FAM117B: variants seen among roughly 807,000 people sequenced by gnomAD.
FAM117B encodes protein FAM117B.
In FAM117B, 22 loss-of-function variants were observed where a neutral mutation model predicts 52.8. The ratio of observed to expected loss-of-function variants is 0.42; its 90% CI spans 0.30 to 0.59. The LOEUF (loss-of-function observed/expected upper bound fraction) is 0.59, where lower values mean the gene tolerates loss of function less well. Ranked by LOEUF, FAM117B falls within the 20% of genes least tolerant of loss-of-function variation. The pLI is 0.22. For missense variants in FAM117B, 678 were observed against 802.6 expected, an observed-to-expected ratio of 0.84 and a Z score of 1.88; for synonymous variants, 309 against 324.1, an observed-to-expected ratio of 0.95 and a Z score of 0.50.
rs780615722 is a variant in FAM117B at position 202,642,117 on chromosome 2, C to CT, written c.601+6346dup. ...CCACCATGCCCGGCTGATTTTTGTACTTTTTTTTTTTTTTTTTAGTAGAGA... is the reference window on the plus strand; with the variant it reads ...CCACCATGCCCGGCTGATTTTTGTACTTTTTTTTTTTTTTTTTTAGTAGAGA... On this transcript the variant is annotated intron_variant, in intron 1 of 7. Coordinates refer to ENST00000392238, the MANE Select transcript of FAM117B (RefSeq NM_173511.4). Among the ~76,000 whole-genome samples the CT allele has an allele frequency of 5.3e-3, 684 of 128,824 alleles. 6 individuals carry two copies. The highest frequency in any genetic ancestry group is 0.041 in the East Asian group (188 of 4,534). The allele number at this position is 128,824 out of a possible 152,430, so 84.5% of individuals were successfully genotyped here.
intron 1 of FAM117B, among the ~76,000 whole-genome samples, chr2:202,668,588 C>G (rs903485752): frequency 2.0e-5 from 3 of 147,002 alleles, no homozygotes; most frequent in African/African-American, 7.4e-5. Flanking sequence ...TCACTGTACT[C>G]TAGCCTGGGC....
chr2:202,691,092 C>T (rs1404477855), intron 1 of FAM117B, among the ~76,000 whole-genome samples: 1 of 152,102 alleles, frequency 6.6e-6, no homozygotes, highest in African/African-American at 2.4e-5. Flanking sequence ...ACATGTATAA[C>T]TCATCTGTTC....
At chr2:202,669,288 GA>G (rs990843785) in intron 1 of FAM117B, among the ~76,000 whole-genome samples, 1 of 152,106 alleles carries the variant, frequency 6.6e-6, no homozygotes, top group African/African-American at 2.4e-5. Flanking sequence ...ATTCTAGGAA[GA>G]AAAAACTTAA....
chr2:202,644,489 A>G (rs891564918), intron 1 of FAM117B, among the ~76,000 whole-genome samples: 2 of 152,138 alleles, frequency 1.3e-5, no homozygotes, highest in Non-Finnish European at 2.9e-5. Context: ...TAGCTCATTG[A>G]TCTCTACATC....
intron 2 of FAM117B, among the ~76,000 whole-genome samples, chr2:202,716,737 G>A (rs1691063378): frequency 6.6e-6 from 1 of 151,972 alleles, no homozygotes; most frequent in Non-Finnish European, 1.5e-5. Context: ...CTGAGTCTGT[G>A]TTTTCAAATA....
chr2:202,720,367 G>T (rs927837037), intron 2 of FAM117B, among the ~76,000 whole-genome samples: 1 of 151,574 alleles, frequency 6.6e-6, no homozygotes, highest in African/African-American at 2.4e-5. Flanking sequence ...TGATTCAAGA[G>T]TTTTAAACAT....
chr2:202,757,299 T>G lies in FAM117B; in HGVS notation c.1191T>G (p.Pro397=), dbSNP rs1267307964. ...SSTRSIDTQT[P]GGADRGSNNS... ...CGCGCAGCATTGACACACAGACGCCTGGTGGGGCAGACAGGGGAAGCAACA... is the reference window on the plus strand; with the variant it reads ...CGCGCAGCATTGACACACAGACGCCGGGTGGGGCAGACAGGGGAAGCAACA... The change falls in exon 6 of 8, where the codon CCT becomes CCG. Residue 397 remains proline, a synonymous_variant. Transcript: ENST00000392238. The G allele has an allele frequency of 4.3e-6, 7 of 1,614,070 alleles. No individual in the cohort carries two copies. The highest frequency in any genetic ancestry group is 5.9e-6 in the Non-Finnish European group (7 of 1,180,022).
chr2:202,723,581 G>C (rs1337994970), intron 2 of FAM117B, among the ~76,000 whole-genome samples: 40 of 152,098 alleles, frequency 2.6e-4, no homozygotes, highest in Non-Finnish European at 1.2e-4. Context: ...TTTCATGTCT[G>C]TATATTGTGA....
At chr2:202,728,146 A>ATATTTTT (rs1691284676) in intron 4 of FAM117B, among the ~76,000 whole-genome samples, 1 of 151,980 alleles carries the variant, frequency 6.6e-6, no homozygotes, top group Non-Finnish European at 1.5e-5. Flanking sequence ...TGCCTGGCTA[A>ATATTTTT]TATTTTTTAT....
At chr2:202,647,991 A>G (rs923710873) in intron 1 of FAM117B, among the ~76,000 whole-genome samples, 1 of 152,042 alleles carries the variant, frequency 6.6e-6, no homozygotes, top group Non-Finnish European at 1.5e-5. Context: ...TAACTCTGTA[A>G]TTGTATGGTT....
chr2:202,649,290 CCT>C (rs769474254), intron 1 of FAM117B, among the ~76,000 whole-genome samples: 2 of 152,034 alleles, frequency 1.3e-5, no homozygotes. Flanking sequence ...TGTCTCCTTC[CCT>C]CTCTCTTTTC....
intron 2 of FAM117B, among the ~76,000 whole-genome samples, chr2:202,720,239 T>C (rs545858933): frequency 6.6e-6 from 1 of 152,254 alleles, no homozygotes; most frequent in South Asian, 2.1e-4. Flanking sequence ...GAGGTATTTC[T>C]TTATGGAATT....
rs371924033 is a variant in FAM117B, at chr2:202,747,160, A to G, written c.961-8378A>G. On this transcript the variant is annotated intron_variant, in intron 4 of 7. Coordinates refer to ENST00000392238, the MANE Select transcript of FAM117B (RefSeq NM_173511.4). The stretch of plus-strand genomic sequence containing the variant: ...AATAAATGTGATATATCACATCAAC[A>G]GAATGTAGGACAAAAACCAACAATC... Among the ~76,000 whole-genome samples the G allele has an allele frequency of 2.6e-4, 39 of 152,328 alleles. 1 individual carries two copies. The South Asian group carries it at 8.1e-3, about 32-fold the overall frequency.
intron 4 of FAM117B, among the ~76,000 whole-genome samples, chr2:202,752,903 TTAAA>T: frequency 6.6e-6 from 1 of 152,304 alleles, no homozygotes; most frequent in African/African-American, 2.4e-5. Context: ...AGTGGTTCTG[TTAAA>T]TAAATAAGTC....
chr2:202,751,145 A>G (rs575457017), intron 4 of FAM117B, among the ~76,000 whole-genome samples: 23 of 152,324 alleles, frequency 1.5e-4, no homozygotes, highest in African/African-American at 5.1e-4. Flanking sequence ...CTGTTTGCAA[A>G]TTTGCAAAAT....
intron 1 of FAM117B, among the ~76,000 whole-genome samples, chr2:202,691,698 T>C (rs1039967): frequency 0.39 from 50,569 of 130,318 alleles, 9,846 homozygotes; most frequent in East Asian, 0.66. Context: ...TGTGTGTGTG[T>C]GCGCGCGCGC....
chr2:202,719,326 A>G (rs975426279), intron 2 of FAM117B, among the ~76,000 whole-genome samples: 4 of 152,130 alleles, frequency 2.6e-5, no homozygotes, highest in African/African-American at 9.7e-5. Context: ...TTTGTTCTTA[A>G]TAAATCTATG....
intron 1 of FAM117B, among the ~76,000 whole-genome samples, chr2:202,663,177 A>T (rs1015797305): frequency 2.2e-4 from 34 of 151,622 alleles, no homozygotes; most frequent in African/African-American, 8.0e-4. Context: ...GATCTTCCAC[A>T]TTTATTATTG....
intron 1 of FAM117B, among the ~76,000 whole-genome samples, chr2:202,691,658 T>C (rs1227285648): frequency 1.7e-5 from 2 of 117,126 alleles, no homozygotes; most frequent in African/African-American, 6.2e-5. Flanking sequence ...ATTGTGTGTG[T>C]GTGTGTGTGT....
Sources: gnomAD v4.1 joint callset for allele counts (sites outside exome capture counted in the v4.1 genomes callset) on GRCh38, gnomAD v4.1.1 for gene constraint, MANE v1.5 for transcripts, NCBI Gene and HGNC (gene_info 2026-07-23, HGNC 2026-07-21) for gene names.